Variants in HS3ST5 observed in about 807,000 individuals in gnomAD.
HS3ST5 encodes the protein heparan sulfate-glucosamine 3-sulfotransferase 5, also known as heparan sulfate glucosamine 3-O-sulfotransferase 5.
HS3ST5 carries 10 observed loss-of-function variants against 25.4 expected under a neutral mutation model. The observed-to-expected ratio is 0.39, with a 90% CI of 0.24 to 0.67. The LOEUF (loss-of-function observed/expected upper bound fraction) is 0.67. Among genes scored for constraint, HS3ST5 ranks in the 30% least tolerant of loss-of-function variants. The probability of loss-of-function intolerance (pLI) is 0.44; values close to 1 mark genes in which losing one functional copy is unlikely to be tolerated. For missense variants in HS3ST5, 324 were observed against 420.7 expected (o/e 0.77, Z 2.01); for synonymous variants, 170 against 162.4 (o/e 1.05, Z -0.36).
intron 1 of HS3ST5, among the ~76,000 whole-genome samples, chr6:114,255,951 T>A (rs1772889622): frequency 1.3e-5 from 2 of 152,224 alleles, no homozygotes; most frequent in South Asian, 2.1e-4. Context: ...CCTCATTACT[T>A]ATGCAAATTT....
chr6:114,227,042 G>A (rs930523669), intron 2 of HS3ST5, among the ~76,000 whole-genome samples: 1 of 151,682 alleles, frequency 6.6e-6, no homozygotes, highest in African/African-American at 2.4e-5. Flanking sequence ...CTATGTTCAG[G>A]TATGACAATC....
At chr6:114,062,425 C>T (rs1036698431) in intron 4 of HS3ST5, among the ~76,000 whole-genome samples, 2 of 152,148 alleles carry the variant, frequency 1.3e-5, no homozygotes, top group Non-Finnish European at 2.9e-5. Context: ...AGCTAGAGGT[C>T]AACACCAGAT....
chr6:114,309,980 C>G (rs1582806483), intron 1 of HS3ST5, among the ~76,000 whole-genome samples: 1 of 152,068 alleles, frequency 6.6e-6, no homozygotes, highest in Non-Finnish European at 1.5e-5. Flanking sequence ...TTCAAACATG[C>G]CTTTCATTAA....
In HS3ST5 at chr6:114,056,357, G is replaced by T. The variant is rs988564397; in HGVS notation, c.*900C>A. On this transcript the variant is annotated 3_prime_UTR_variant, in exon 5 of 5. Coordinates refer to ENST00000312719, the MANE Select transcript of HS3ST5 (RefSeq NM_153612.4). ...TGGGGTACAGAAATCCAGCAGGGAA[G>T]CACATCTTTCCAAGTGCTCTCATAT... The T allele has an allele frequency of 2.0e-5, 3 of 151,738 alleles. No individual in the cohort carries two copies. Among genetic ancestry groups the T allele is most frequent in the African/African-American group, 4.8e-5 (2 of 41,274 alleles). 9.4% of individuals were successfully genotyped at this position (151,738 alleles called of 1,614,324 possible).
At chr6:114,283,123 A>C (rs964759753) in intron 1 of HS3ST5, among the ~76,000 whole-genome samples, 14 of 152,084 alleles carry the variant, frequency 9.2e-5, no homozygotes, top group Admixed American at 8.5e-4. Flanking sequence ...CCATTTTTTA[A>C]TTTTAAAATT....
At chr6:114,173,027 T>G (rs964994161) in intron 2 of HS3ST5, among the ~76,000 whole-genome samples, 1 of 152,206 alleles carries the variant, frequency 6.6e-6, no homozygotes, top group Admixed American at 6.5e-5. Context: ...GTATTTTGTG[T>G]TCTTTTGTGT....
intron 1 of HS3ST5, among the ~76,000 whole-genome samples, chr6:114,319,037 CAG>C (rs1474099806): frequency 2.2e-4 from 33 of 151,934 alleles, no homozygotes; most frequent in African/African-American, 5.1e-4. Flanking sequence ...CAAAAACAAA[CAG>C]TGGATATATA....
At chr6:114,264,755 G>A (rs888976815) in intron 1 of HS3ST5, among the ~76,000 whole-genome samples, 1 of 152,158 alleles carries the variant, frequency 6.6e-6, no homozygotes, top group Non-Finnish European at 1.5e-5. Context: ...AGTATCATAT[G>A]TGATCACCTA....
At chr6:114,225,136 C>A (rs1325664415) in intron 2 of HS3ST5, among the ~76,000 whole-genome samples, 1 of 151,810 alleles carries the variant, frequency 6.6e-6, no homozygotes, top group Admixed American at 6.6e-5. Context: ...GGTATCTCAA[C>A]TGTTACTAGT....
At chr6:114,294,146 A>G (rs1239869209) in intron 1 of HS3ST5, among the ~76,000 whole-genome samples, 1 of 152,200 alleles carries the variant, frequency 6.6e-6, no homozygotes, top group Admixed American at 6.5e-5. Flanking sequence ...AATGTTTCAG[A>G]TGATTGAAGA....
chr6:114,320,276 C>T (rs785139), intron 1 of HS3ST5, among the ~76,000 whole-genome samples: 5 of 151,978 alleles, frequency 3.3e-5, no homozygotes, highest in Admixed American at 2.0e-4. Context: ...ATTAAAGCCA[C>T]GCTAGGTGCC....
At chr6:114,322,735 G>T (rs1776016310) in intron 1 of HS3ST5, among the ~76,000 whole-genome samples, 1 of 152,058 alleles carries the variant, frequency 6.6e-6, no homozygotes, top group Non-Finnish European at 1.5e-5. Context: ...CTCTCTGAAG[G>T]TTTATTTCAC....
intron 2 of HS3ST5, among the ~76,000 whole-genome samples, chr6:114,210,124 GC>G (rs1450953990): frequency 6.6e-6 from 1 of 152,072 alleles, no homozygotes; most frequent in Non-Finnish European, 1.5e-5. Flanking sequence ...TGGAAATGTT[GC>G]AAAAACACTT....
chr6:114,086,227 T>G (rs182989926), intron 3 of HS3ST5, among the ~76,000 whole-genome samples: 53 of 152,266 alleles, frequency 3.5e-4, no homozygotes, highest in Admixed American at 7.8e-4. Context: ...TCAGCTGAAC[T>G]TAAGATAGGG....
At position 114,142,952 on chromosome 6, in the gene HS3ST5, T is replaced by A. The variant is rs556954287; in HGVS notation, c.-33+25399A>T. The A allele has an allele frequency of 2.6e-5, 4 of 152,406 alleles. No individual in the cohort carries two copies. In the South Asian group the frequency reaches 8.3e-4, roughly 32 times the overall value. 9.4% of individuals were successfully genotyped at this position (152,406 alleles called of 1,614,324 possible). ...TAACGGGGAAAAATGTTCAGGCTTT[T>A]GGAGAAGAGCTACAAGTGGTGGACG... On this transcript the variant is annotated intron_variant, in intron 3 of 4. Coordinates refer to ENST00000312719, the MANE Select transcript of HS3ST5 (RefSeq NM_153612.4).
intron 1 of HS3ST5, among the ~76,000 whole-genome samples, chr6:114,242,394 A>G (rs1772170767): frequency 6.6e-6 from 1 of 152,152 alleles, no homozygotes; most frequent in African/African-American, 2.4e-5. Flanking sequence ...AAAAATTATT[A>G]TTATATGTTA....
chr6:114,232,233 A>G (rs1771632878), intron 1 of HS3ST5, among the ~76,000 whole-genome samples: 1 of 152,154 alleles, frequency 6.6e-6, no homozygotes, highest in South Asian at 2.1e-4. Context: ...AATCGAAACC[A>G]CTTTATTATC....
intron 1 of HS3ST5, among the ~76,000 whole-genome samples, chr6:114,263,612 C>A (rs986469666): frequency 6.6e-6 from 1 of 152,120 alleles, no homozygotes; most frequent in African/African-American, 2.4e-5. Flanking sequence ...AACTGAAAAA[C>A]AAAACACGAA....
chr6:114,088,587 T>TA (rs1227021065), intron 3 of HS3ST5, among the ~76,000 whole-genome samples: 2 of 152,148 alleles, frequency 1.3e-5, no homozygotes, highest in Non-Finnish European at 2.9e-5. Context: ...ACTTAGAAGA[T>TA]AGGGACTATT....
Sources: allele counts gnomAD v4.1 joint callset (sites outside exome capture counted in the v4.1 genomes callset), GRCh38; gene constraint gnomAD v4.1.1; transcripts MANE v1.5; gene names NCBI Gene and HGNC (gene_info 2026-07-23, HGNC 2026-07-21).